PPEF2: variants seen among roughly 807,000 people sequenced by gnomAD.
PPEF2 encodes protein phosphatase with EF-hand domain 2.
Under a neutral mutation model 84.7 loss-of-function variants are expected in PPEF2, and 84 were observed. The observed-to-expected ratio is 0.99, with a 90% CI of 0.83 to 1.19. The LOEUF is 1.19. Ranked by LOEUF, PPEF2 falls within the 50% of genes most tolerant of loss-of-function variation. The probability of loss-of-function intolerance (pLI) is 0.00; values close to 1 mark genes in which losing one functional copy is unlikely to be tolerated. For synonymous variants in PPEF2, 346 were observed against 345.2 expected (o/e 1.00, Z -0.03); for missense variants, 924 against 937.5 (o/e 0.99, Z 0.19).
Position 75,860,670 on chromosome 4 carries a change from G to T in PPEF2, c.2259C>A (p.His753Gln), listed in dbSNP as rs1165673828. 1.2e-6 allele frequency: 2 copies of T among 1,613,990 alleles called. No individual in the cohort carries two copies. The highest frequency in any genetic ancestry group is 1.1e-5 in the South Asian group (1 of 91,064). ...GGTGATGAAGACCAGGCTGTTCTTA[G>T]TGTGCACCTGGACTGCTGCAGCCAC... ...KDSGCSSPGAH is the reference protein window; with the variant it reads ...KDSGCSSPGAQ Residue 753 changes from histidine (H) to glutamine (Q), a missense_variant, in exon 17 of 17, where the codon CAC becomes CAA. Coordinates refer to ENST00000286719, the MANE Select transcript of PPEF2 (RefSeq NM_006239.3).
intron 16 of PPEF2, among the ~76,000 whole-genome samples, chr4:75,863,229 C>T (rs898634558): frequency 4.6e-5 from 7 of 151,758 alleles, no homozygotes; most frequent in African/African-American, 7.3e-5. Flanking sequence ...CAGTGGTTCA[C>T]GCCTGTAATC....
At chr4:75,871,650 T>C (rs1444138593) in intron 13 of PPEF2, among the ~76,000 whole-genome samples, 1 of 152,130 alleles carries the variant, frequency 6.6e-6, no homozygotes, top group Non-Finnish European at 1.5e-5. Context: ...TTTGAATTTT[T>C]TGTAGAGATG....
intron 10 of PPEF2, among the ~76,000 whole-genome samples, chr4:75,877,643 C>T (rs1303504895): frequency 6.6e-6 from 1 of 150,730 alleles, no homozygotes; most frequent in African/African-American, 2.4e-5. Flanking sequence ...GATCAGTGGG[C>T]TTGTATCTTT....
intron 11 of PPEF2, among the ~76,000 whole-genome samples, chr4:75,874,902 C>CTTTTTTTTTT (rs547098807): frequency 7.2e-6 from 1 of 138,106 alleles, no homozygotes; most frequent in African/African-American, 2.7e-5. Flanking sequence ...TTCTTTCTTT[C>CTTTTTTTTTT]TTTTTTTTTT....
chr4:75,872,072 C>CT lies in PPEF2; in HGVS notation c.1601_1602insA (p.Gln535AlafsTer5), dbSNP rs1724294348. On this transcript the variant is annotated frameshift_variant, in exon 13 of 17. Transcript: ENST00000286719. LOFTEE classifies it high-confidence loss of function. ...GGGTCACCTTGTTAGCTTGATACTG[C>CT]ACAATATGTGGGGTCAGGGCTGGCC... 1 of 1,613,740 alleles carries CT rather than the reference C, an allele frequency of 6.2e-7. No homozygotes were observed. The highest frequency in any genetic ancestry group is 1.3e-5 in the African/African-American group (1 of 74,896).
intron 4 of PPEF2, 112 bp from the exon 5 acceptor site, chr4:75,890,244 G>T: frequency 8.3e-7 from 1 of 1,199,280 alleles, no homozygotes; most frequent in Non-Finnish European, 1.2e-6. Context: ...CCAGAAATTT[G>T]CGGGGCCAAG....
chr4:75,891,688 G>C lies in PPEF2; in HGVS notation c.201C>G (p.Ser67Arg). 6.2e-7 allele frequency: 1 copy of C among 1,611,848 alleles called. No individual in the cohort carries two copies. The highest frequency in any genetic ancestry group is 8.5e-7 in the Non-Finnish European group (1 of 1,179,138). The change falls in exon 4 of 17, where the codon AGC becomes AGG. Residue 67 changes from serine (S) to arginine (R), a missense_variant. Physicochemically the swap from Ser to Arg is moderately radical, Grantham distance 110. Transcript: ENST00000286719. Reference sequence around the variant, plus strand: ...TGGGGATGAAGTGATCCATGAGATAGCTGAAGAAGTCATGGAGCTGCAGAA... The same window carrying C: ...TGGGGATGAAGTGATCCATGAGATACCTGAAGAAGTCATGGAGCTGCAGAA... The part of the protein sequence containing the change: ...QDQVKLHDFF[S>R]YLMDHFIPSS...
At chr4:75,877,869 C>T (rs1001679079) in intron 10 of PPEF2, among the ~76,000 whole-genome samples, 2 of 152,078 alleles carry the variant, frequency 1.3e-5, no homozygotes, top group Non-Finnish European at 2.9e-5. Context: ...CATATAATTT[C>T]GAGAAACACT....
At chr4:75,867,503 T>G (rs566885978) in intron 13 of PPEF2, 84 bp from the exon 14 acceptor site, 257 of 1,002,134 alleles carry the variant, frequency 2.6e-4, no homozygotes, top group Non-Finnish European at 3.5e-4. Context: ...CCACTCTCTC[T>G]TTCTTAACAT....
chr4:75,890,678 T>C (rs1313056268), intron 4 of PPEF2, among the ~76,000 whole-genome samples: 2 of 151,620 alleles, frequency 1.3e-5, no homozygotes, highest in Non-Finnish European at 2.9e-5. Context: ...ACTTAGAGAG[T>C]ACAGAAATTT....
chr4:75,890,291 G>A (rs964663467), intron 4 of PPEF2, among the ~76,000 whole-genome samples, 159 bp from the exon 5 acceptor site: 5 of 151,968 alleles, frequency 3.3e-5, no homozygotes, highest in African/African-American at 9.7e-5. Context: ...TTTGAGAACA[G>A]CCTAGGCAAC....
At chr4:75,886,717 T>G (rs917489978) in intron 7 of PPEF2, 135 bp downstream of exon 7, 60 of 414,054 alleles carry the variant, frequency 1.4e-4, no homozygotes, top group Admixed American at 1.4e-4. Flanking sequence ...GAGACCCCCA[T>G]CTCAAAAAAA....
chr4:75,892,005 T>G, intron 2 of PPEF2, 27 bp from the exon 3 acceptor site: 1 of 1,606,746 alleles, frequency 6.2e-7, no homozygotes, highest in Non-Finnish European at 8.5e-7. Flanking sequence ...GAAGCAAGCC[T>G]GTGAGCTCGG....
chr4:75,882,951 A>G lies in PPEF2; in HGVS notation c.908T>C (p.Leu303Pro). 1.2e-6 allele frequency: 2 copies of G among 1,613,584 alleles called. No homozygotes were observed. Among genetic ancestry groups the G allele is most frequent in the South Asian group, 2.2e-5 (2 of 90,884 alleles). ...CTTGCTCCTCTCTATTTTGTCCAAA[A>G]GCTCCAGATCAGTTATGTCTGACAC... ...GGVSDITDLE[L>P]LDKIERSKIV... Residue 303 changes from leucine (L) to proline (P), a missense_variant, in exon 10 of 17, where the codon CTT (leucine) becomes CCT (proline). Transcript: ENST00000286719.
chr4:75,896,722 GGTAGACTACA>G (rs1429032204), intron 1 of PPEF2, among the ~76,000 whole-genome samples: 3 of 151,958 alleles, frequency 2.0e-5, no homozygotes, highest in Non-Finnish European at 4.4e-5. Flanking sequence ...TTATCTCAAG[GGTAGACTACA>G]GTTTTCTCTT....
Position 75,860,940 on chromosome 4 carries a change from C to A in PPEF2, c.2009-20G>T, listed in dbSNP as rs773371998. On this transcript the variant is annotated intron_variant, in intron 16 of 16. Coordinates refer to ENST00000286719, the MANE Select transcript of PPEF2 (RefSeq NM_006239.3). ...TGAACCCTTATCAGAGGGAGGAAATCACTTCAGTGAGTTAGTCTAGTTTTT... is the reference window on the plus strand; with the variant it reads ...TGAACCCTTATCAGAGGGAGGAAATAACTTCAGTGAGTTAGTCTAGTTTTT... 1.2e-6 allele frequency: 2 copies of A among 1,608,680 alleles called. No individual in the cohort carries two copies. The highest frequency in any genetic ancestry group is 2.2e-5 in the South Asian group (2 of 90,716).
intron 10 of PPEF2, among the ~76,000 whole-genome samples, chr4:75,882,190 T>C (rs1219580450): frequency 6.6e-6 from 1 of 152,212 alleles, no homozygotes; most frequent in Non-Finnish European, 1.5e-5. Flanking sequence ...CTCTGTTTCA[T>C]CTTTTTATCT....
chr4:75,887,875 G>T (rs998527622), intron 6 of PPEF2, among the ~76,000 whole-genome samples: 1 of 152,120 alleles, frequency 6.6e-6, no homozygotes, highest in Non-Finnish European at 1.5e-5. Flanking sequence ...TAGTCATCGG[G>T]GCTTTCTCAA....
Position 75,896,260 on chromosome 4 carries a change from G to T in PPEF2, c.55+11C>A. 6.2e-7 allele frequency: 1 copy of T among 1,613,710 alleles called. No individual in the cohort carries two copies. Among genetic ancestry groups the T allele is most frequent in the Non-Finnish European group, 8.5e-7 (1 of 1,179,628 alleles). On this transcript the variant is annotated intron_variant, in intron 2 of 16. Transcript: ENST00000286719. ...TACCCACAGCTGGTTTGGAAAGTGGGAAACACGTACCTCTCTCTGCATTCT... is the reference window on the plus strand; with the variant it reads ...TACCCACAGCTGGTTTGGAAAGTGGTAAACACGTACCTCTCTCTGCATTCT...
Sources: gnomAD v4.1 joint callset for allele counts (sites outside exome capture counted in the v4.1 genomes callset) on GRCh38, gnomAD v4.1.1 for gene constraint, MANE v1.5 for transcripts, NCBI Gene and HGNC (gene_info 2026-07-23, HGNC 2026-07-21) for gene names.